Variants in MAGI2 observed in about 807,000 individuals in gnomAD.
MAGI2 encodes membrane-associated guanylate kinase, WW and PDZ domain-containing protein 2.
MAGI2 carries 35 observed loss-of-function variants against 133.3 expected under a neutral mutation model. The observed-to-expected ratio is 0.26, with a 90% CI of 0.20 to 0.35. The LOEUF (loss-of-function observed/expected upper bound fraction) is 0.35, where lower values mean the gene tolerates loss of function less well. Among genes scored for constraint, MAGI2 ranks in the 10% least tolerant of loss-of-function variants. MAGI2 has a pLI of 1.00. For missense variants in MAGI2, 1,636 were observed against 1,863.4 expected (o/e 0.88, Z 2.25); for synonymous variants, 729 against 710.6 (o/e 1.03, Z -0.41).
chr7:78,950,973 T>C (rs1413418664), intron 2 of MAGI2, among the ~76,000 whole-genome samples: 1 of 148,592 alleles, frequency 6.7e-6, no homozygotes, highest in South Asian at 2.2e-4. Context: ...CGTTAGCTTT[T>C]TTTTTTTTTT....
chr7:78,169,122 C>A (rs988373838), intron 14 of MAGI2, among the ~76,000 whole-genome samples: 5 of 152,198 alleles, frequency 3.3e-5, no homozygotes, highest in Admixed American at 6.5e-5. Flanking sequence ...TGAAAGGCAA[C>A]ACATAAGTTT....
At chr7:79,369,737 G>T (rs1016029942) in intron 1 of MAGI2, among the ~76,000 whole-genome samples, 8 of 152,114 alleles carry the variant, frequency 5.3e-5, no homozygotes, top group Admixed American at 2.0e-4. Context: ...CGATACATAT[G>T]TGTGTTTATT....
At chr7:78,106,303 AC>A (rs1402216239) in intron 20 of MAGI2, among the ~76,000 whole-genome samples, 1 of 152,144 alleles carries the variant, frequency 6.6e-6, no homozygotes, top group African/African-American at 2.4e-5. Flanking sequence ...TATTGTGAAT[AC>A]CACTGTAATA....
intron 1 of MAGI2, among the ~76,000 whole-genome samples, chr7:79,220,930 G>A (rs1830400681): frequency 6.6e-6 from 1 of 151,962 alleles, no homozygotes; most frequent in Admixed American, 6.6e-5. Context: ...TGGGTGTAAG[G>A]GAATAAAAAC....
chr7:78,212,018 C>A (rs1158108626), intron 10 of MAGI2, among the ~76,000 whole-genome samples: 1 of 152,174 alleles, frequency 6.6e-6, no homozygotes, highest in African/African-American at 2.4e-5. Flanking sequence ...ATTATGCTAC[C>A]ATTATTCTTT....
At chr7:78,841,284 A>G (rs1278552980) in intron 2 of MAGI2, among the ~76,000 whole-genome samples, 1 of 152,066 alleles carries the variant, frequency 6.6e-6, no homozygotes, top group South Asian at 2.1e-4. Context: ...AATCCTTATC[A>G]CATGTGATGT....
At chr7:78,847,216 C>T (rs1436886945) in intron 2 of MAGI2, among the ~76,000 whole-genome samples, 1 of 151,944 alleles carries the variant, frequency 6.6e-6, no homozygotes, top group Non-Finnish European at 1.5e-5. Flanking sequence ...TGAGTAACTT[C>T]CGTATGCTAG....
chr7:78,578,523 A>C (rs1221860843), intron 3 of MAGI2, among the ~76,000 whole-genome samples: 1 of 152,186 alleles, frequency 6.6e-6, no homozygotes, highest in East Asian at 1.9e-4. Context: ...AAGAGGAAGA[A>C]CTGAGGAGTG....
intron 20 of MAGI2, among the ~76,000 whole-genome samples, chr7:78,083,879 G>T (rs3807747): frequency 0.2 from 30,977 of 152,142 alleles, 3,165 homozygotes; most frequent in South Asian, 0.24. Flanking sequence ...GTTCAGGTTG[G>T]AAGAAAAAAT....
intron 1 of MAGI2, among the ~76,000 whole-genome samples, chr7:79,281,548 G>A (rs951389201): frequency 6.6e-6 from 1 of 151,890 alleles, no homozygotes; most frequent in Non-Finnish European, 1.5e-5. Flanking sequence ...AAAAAAAAGA[G>A]AGGGCAAAAG....
At chr7:79,260,059 C>T (rs1356587865) in intron 1 of MAGI2, among the ~76,000 whole-genome samples, 4 of 152,140 alleles carry the variant, frequency 2.6e-5, no homozygotes, top group Non-Finnish European at 5.9e-5. Context: ...CAATTATTTG[C>T]AAGTGCAGTA....
intron 1 of MAGI2, among the ~76,000 whole-genome samples, chr7:79,204,796 A>G (rs1828903794): frequency 6.6e-6 from 1 of 152,038 alleles, no homozygotes; most frequent in Admixed American, 6.6e-5. Flanking sequence ...TAAAATAAAT[A>G]GAAATCCCAT....
At chr7:78,313,662 A>G (rs1317398719) in intron 9 of MAGI2, among the ~76,000 whole-genome samples, 3 of 151,512 alleles carry the variant, frequency 2.0e-5, no homozygotes. Flanking sequence ...ATGGAAGGGG[A>G]AGTATTCTTG....
intron 1 of MAGI2, among the ~76,000 whole-genome samples, chr7:79,074,365 C>A (rs1186742724): frequency 6.6e-6 from 1 of 152,104 alleles, no homozygotes; most frequent in Non-Finnish European, 1.5e-5. Flanking sequence ...TAACTTTAGT[C>A]CAATAGGCAT....
At chr7:78,044,336 C>A (rs1488072009) in intron 21 of MAGI2, among the ~76,000 whole-genome samples, 1 of 152,176 alleles carries the variant, frequency 6.6e-6, no homozygotes, top group East Asian at 1.9e-4. Flanking sequence ...CTCTCTCCAA[C>A]ATAGCTATGA....
intron 1 of MAGI2, among the ~76,000 whole-genome samples, chr7:79,406,581 A>G (rs893631733): frequency 4.6e-5 from 7 of 152,136 alleles, no homozygotes; most frequent in Admixed American, 1.3e-4. Flanking sequence ...GTTTATGTCA[A>G]TAAACAGGTT....
chr7:79,382,474 C>T (rs1843861516), intron 1 of MAGI2, among the ~76,000 whole-genome samples: 1 of 151,466 alleles, frequency 6.6e-6, no homozygotes, highest in African/African-American at 2.4e-5. Flanking sequence ...GGGGTTAAGC[C>T]TACAGTATCT....
chr7:78,726,814 G>A (rs1820858824), intron 2 of MAGI2, among the ~76,000 whole-genome samples: 1 of 151,984 alleles, frequency 6.6e-6, no homozygotes, highest in Non-Finnish European at 1.5e-5. Flanking sequence ...TATGTAATAT[G>A]TAGCAAAAAT....
rs538605930 is a variant in MAGI2 at position 78,605,999 on chromosome 7, T to C, written c.538+21121A>G. 6.6e-4 allele frequency among the ~76,000 whole-genome samples: 100 copies of C among 152,110 alleles called. 1 individual carries two copies. The highest frequency in any genetic ancestry group is 6.8e-3 in the Middle Eastern group (2 of 294). ...GACTGTATGAACTATGGCAGGGACA[T>C]AGGGATTGGATAAGAGGGGCACATG... On this transcript the variant is annotated intron_variant, in intron 3 of 21. Coordinates refer to ENST00000354212, the MANE Select transcript of MAGI2 (RefSeq NM_012301.4).
Sources: gnomAD v4.1 joint callset for allele counts (sites outside exome capture counted in the v4.1 genomes callset) on GRCh38, gnomAD v4.1.1 for gene constraint, MANE v1.5 for transcripts, NCBI Gene and HGNC (gene_info 2026-07-23, HGNC 2026-07-21) for gene names.